CD74: variants seen among roughly 807,000 people sequenced by gnomAD.
CD74 encodes CD74 molecule.
A neutral mutation model predicts 37.1 loss-of-function variants in CD74; 20 were observed. That is an observed-to-expected ratio of 0.54 (90% CI 0.38 to 0.78). CD74 has a LOEUF of 0.78. Ranked by LOEUF, CD74 falls within the 30% of genes least tolerant of loss-of-function variation. The pLI, the probability that CD74 is intolerant of heterozygous loss-of-function variation, is 0.00. For synonymous variants in CD74, 150 were observed against 152.0 expected (o/e 0.99, Z 0.10); for missense variants, 338 against 389.5 (o/e 0.87, Z 1.11).
rs151232598 is a variant in CD74, at chr5:150,406,923, C to T, written c.336G>A (p.Pro112=). ...CCATGGGCAGCGCCTGCATCAGCAGCGGGGTGGCCATGCGCATCTTGCTCA... is the reference window on the plus strand; with the variant it reads ...CCATGGGCAGCGCCTGCATCAGCAGTGGGGTGGCCATGCGCATCTTGCTCA... The part of the protein sequence containing the change: ...KPVSKMRMAT[P]LLMQALPMGA... The change falls in exon 3 of 9, where the codon CCG becomes CCA. Residue 112 remains proline, a synonymous_variant. Coordinates refer to ENST00000009530, the MANE Select transcript of CD74 (RefSeq NM_001025159.3). 4.6e-5 allele frequency: 71 copies of T among 1,543,874 alleles called. No individual in the cohort carries two copies. The Middle Eastern group carries it at 1.7e-3, about 38-fold the overall frequency.
Position 150,407,216 on chromosome 5 carries a change from C to A in CD74, c.234G>T (p.Leu78=), listed in dbSNP as rs1252330579. 2 of 1,613,844 alleles carry A rather than the reference C, an allele frequency of 1.2e-6. No homozygotes were observed. Among genetic ancestry groups the A allele is most frequent in the African/African-American group, 2.7e-5 (2 of 74,872 alleles). ...TCTGGGAGGTGACTGTCAGTTTGTC[C>A]AGCCGGCCCTGCTGCTGGTACAGGA... ...AYFLYQQQGR[L]DKLTVTSQNL... Residue 78 remains leucine, a synonymous_variant, in exon 2 of 9, where the codon CTG becomes CTT. Transcript: ENST00000009530. The surrounding 1 kb of genome is among the most constrained non-coding windows in gnomAD (Gnocchi z 4.4).
Position 150,412,760 on chromosome 5 carries a change from G to A in CD74, c.-11C>T, listed in dbSNP as rs1770425925. 7 of 1,613,740 alleles carry A rather than the reference G, an allele frequency of 4.3e-6. No individual in the cohort carries two copies. The highest frequency in any genetic ancestry group is 5.9e-6 in the Non-Finnish European group (7 of 1,179,868). ...TCTCCTCCTGTGCATCTGGGACCCT[G>A]ACCCCCCGGCTCGCCTCTTAAAGTC... On this transcript the variant is annotated 5_prime_UTR_variant, in exon 1 of 9. Transcript: ENST00000009530.
chr5:150,406,970 C>G lies in CD74; in HGVS notation c.299-10G>C. ...CTCACAGGCTTGGGAGCTGTGGGGA[C>G]AGGAACGAGGGTAAGTGTGGCCCCG... On this transcript the variant is annotated splice_polypyrimidine_tract_variant and intron_variant, in intron 2 of 8. Transcript: ENST00000009530. 1 of 1,573,570 alleles carries G rather than the reference C, an allele frequency of 6.4e-7. No homozygotes were observed. Among genetic ancestry groups the G allele is most frequent in the Non-Finnish European group, 8.6e-7 (1 of 1,166,004 alleles).
Position 150,401,933 on chromosome 5 carries a change from A to G in CD74, c.*307T>C. 3 of 899,558 alleles carry G rather than the reference A, an allele frequency of 3.3e-6. No individual in the cohort carries two copies. In the East Asian group the frequency reaches 7.9e-5, roughly 24 times the overall value. 55.7% of individuals were successfully genotyped at this position (899,558 alleles called of 1,614,324 possible). A position where few individuals can be genotyped will look rare whatever the true frequency, so the allele number is the denominator to read the frequency against. ...GCCTTCCCATCTCGTCCATGAGCCT[A>G]GGTCTTGGAGCCTTGTGTTGGAGGC... On this transcript the variant is annotated 3_prime_UTR_variant, in exon 9 of 9. Coordinates refer to ENST00000009530, the MANE Select transcript of CD74 (RefSeq NM_001025159.3).
rs2151166395 is a variant in CD74, at chr5:150,402,362, C to G, written c.881-112G>C. 1.1e-6 allele frequency: 1 copy of G among 908,648 alleles called. No homozygotes were observed. The highest frequency in any genetic ancestry group is 2.5e-5 in the East Asian group (1 of 40,758). 56.3% of individuals were successfully genotyped at this position (908,648 alleles called of 1,614,324 possible). ...AAGGACTGTCCACCCTCCCCTGCCC[C>G]CTGCTCAGGTCCAATAATGACCATC... is the stretch of plus-strand genomic sequence containing the variant. On this transcript the variant is annotated intron_variant, in intron 8 of 8. Transcript: ENST00000009530. This position sits in a 1 kb window ranked among gnomAD's most constrained non-coding sequence, Gnocchi z 4.2.
rs1202780948 is a variant in CD74 at position 150,402,435 on chromosome 5, T to G, written c.880+128A>C. ...AGCCCCCCAACCCTGTTCCTTCGTC[T>G]GTGAAATGGACATCCCAGGAATGTT... On this transcript the variant is annotated intron_variant, in intron 8 of 8. Transcript: ENST00000009530. This position sits in a 1 kb window ranked among gnomAD's most constrained non-coding sequence, Gnocchi z 4.2. 1 of 955,398 alleles carries G rather than the reference T, an allele frequency of 1.0e-6. No individual in the cohort carries two copies. The highest frequency in any genetic ancestry group is 1.7e-6 in the Non-Finnish European group (1 of 584,714). 59.2% of individuals were successfully genotyped at this position (955,398 alleles called of 1,614,324 possible). A position where few individuals can be genotyped will look rare whatever the true frequency, so the allele number is the denominator to read the frequency against.
chr5:150,402,199 G>A lies in CD74; in HGVS notation c.*41C>T, dbSNP rs1319794986. On this transcript the variant is annotated 3_prime_UTR_variant, in exon 9 of 9. Transcript: ENST00000009530. The surrounding 1 kb of genome is among the most constrained non-coding windows in gnomAD (Gnocchi z 4.2). ...TGAAGGGAGCAAGAAAGCTGTAGCTGTGTGGGGCTGGCAGGATGTTGAAGA... is the reference window on the plus strand; with the variant it reads ...TGAAGGGAGCAAGAAAGCTGTAGCTATGTGGGGCTGGCAGGATGTTGAAGA... The A allele has an allele frequency of 1.3e-6, 2 of 1,593,610 alleles. No individual in the cohort carries two copies. The highest frequency in any genetic ancestry group is 1.1e-5 in the South Asian group (1 of 87,654).
At chr5:150,406,155 AT>A in intron 4 of CD74, 103 bp downstream of exon 4, 1 of 812,948 alleles carries the variant, frequency 1.2e-6, no homozygotes, top group Middle Eastern at 3.3e-4. Flanking sequence ...CAGAGAGCAC[AT>A]GTTGAAAGTC....
At position 150,402,078 on chromosome 5, in the gene CD74, G is replaced by C. The variant is rs778764885; in HGVS notation, c.*162C>G. 2.1e-5 allele frequency: 33 copies of C among 1,541,382 alleles called. No homozygotes were observed. Among genetic ancestry groups the C allele is most frequent in the Non-Finnish European group, 2.8e-5 (32 of 1,146,844 alleles). On this transcript the variant is annotated 3_prime_UTR_variant, in exon 9 of 9. Coordinates refer to ENST00000009530, the MANE Select transcript of CD74 (RefSeq NM_001025159.3). The surrounding 1 kb of genome is among the most constrained non-coding windows in gnomAD (Gnocchi z 4.2). ...TTGCTGCATTGTTATCTGCTGTTCCGACTTGGTTTGTCTTGTCCAAGGGTG... is the reference window on the plus strand; with the variant it reads ...TTGCTGCATTGTTATCTGCTGTTCCCACTTGGTTTGTCTTGTCCAAGGGTG...
rs1301489280 is a variant in CD74, at chr5:150,403,911, C to A, written c.626-599G>T. ...CCATTACAGTTTGGAATTGCACTTG[C>A]GATTCTGATTCTAGAGAAAAGCAAT... On this transcript the variant is annotated intron_variant, in intron 6 of 8. Coordinates refer to ENST00000009530, the MANE Select transcript of CD74 (RefSeq NM_001025159.3). The surrounding 1 kb of genome is among the most constrained non-coding windows in gnomAD (Gnocchi z 4.5). 6.6e-6 allele frequency among the ~76,000 whole-genome samples: 1 copy of A among 152,178 alleles called. No individual in the cohort carries two copies. Among genetic ancestry groups the A allele is most frequent in the Non-Finnish European group, 1.5e-5 (1 of 68,038 alleles).
intron 4 of CD74, 62 bp downstream of exon 4, chr5:150,406,197 C>T (rs2151179294): frequency 7.8e-7 from 1 of 1,287,612 alleles, no homozygotes; most frequent in Middle Eastern, 2.2e-4. Context: ...GGCCTTGGAG[C>T]TTGGCCCGGC....
In CD74 at chr5:150,402,358, G is replaced by GC; in HGVS notation, c.881-109dup. On this transcript the variant is annotated intron_variant, in intron 8 of 8. Transcript: ENST00000009530. This position sits in a 1 kb window ranked among gnomAD's most constrained non-coding sequence, Gnocchi z 4.2. ...AGTTAAGGACTGTCCACCCTCCCCT[G>GC]CCCCCTGCTCAGGTCCAATAATGAC... 2 of 923,390 alleles carry GC rather than the reference G, an allele frequency of 2.2e-6. No homozygotes were observed. The highest frequency in any genetic ancestry group is 1.6e-5 in the African/African-American group (1 of 61,938). The allele number at this position is 923,390 out of a possible 1,614,324, so 57.2% of individuals were successfully genotyped here.
chr5:150,412,594 C>A, intron 1 of CD74, 31 bp downstream of exon 1: 1 of 1,502,476 alleles, frequency 6.7e-7, no homozygotes, highest in Non-Finnish European at 9.2e-7. Flanking sequence ...AGTCCAGGAT[C>A]GGTGTGCCCT....
chr5:150,406,917 C>T lies in CD74; in HGVS notation c.342G>A (p.Leu114=), dbSNP rs1454042220. 4 of 1,536,840 alleles carry T rather than the reference C, an allele frequency of 2.6e-6. No homozygotes were observed. In the East Asian group the frequency reaches 9.1e-5, roughly 35 times the overall value. Residue 114 remains leucine (L), a synonymous_variant, in exon 3 of 9, where the codon CTG becomes CTA. Coordinates refer to ENST00000009530, the MANE Select transcript of CD74 (RefSeq NM_001025159.3). Reference sequence around the variant, plus strand: ...GGGCTCCCATGGGCAGCGCCTGCATCAGCAGCGGGGTGGCCATGCGCATCT... The same window carrying T: ...GGGCTCCCATGGGCAGCGCCTGCATTAGCAGCGGGGTGGCCATGCGCATCT... The part of the protein sequence containing the change: ...VSKMRMATPL[L]MQALPMGALP...
Position 150,409,820 on chromosome 5 carries a change from T to A in CD74, c.126-2496A>T, listed in dbSNP as rs547075657. On this transcript the variant is annotated intron_variant, in intron 1 of 8. Transcript: ENST00000009530. ...TATTACGCAGTCTGTGGTATTCTGT[T>A]AAAGCGGCACAAAACGGACTAAAAC... Among the ~76,000 whole-genome samples, 266 of 151,482 alleles carry A rather than the reference T, an allele frequency of 1.8e-3. 1 individual carries two copies. The highest frequency in any genetic ancestry group is 6.1e-3 in the African/African-American group (252 of 41,238).
At chr5:150,410,686 A>C (rs1308656255) in intron 1 of CD74, among the ~76,000 whole-genome samples, 1 of 151,934 alleles carries the variant, frequency 6.6e-6, no homozygotes, top group African/African-American at 2.4e-5. Flanking sequence ...AATTAAAAAA[A>C]AAAAAAAAAA....
At position 150,401,977 on chromosome 5, in the gene CD74, G is replaced by A. The variant is rs1259089774; in HGVS notation, c.*263C>T. 9.1e-6 allele frequency: 12 copies of A among 1,319,802 alleles called. No individual in the cohort carries two copies. The highest frequency in any genetic ancestry group is 2.9e-5 in the African/African-American group (2 of 68,844). 81.8% of individuals were successfully genotyped at this position (1,319,802 alleles called of 1,614,324 possible). ...TGGAGGCTGCTGTGATGTCAGGAACGGGGATCTGTCTAGCTTTTGGCCACT... is the reference window on the plus strand; with the variant it reads ...TGGAGGCTGCTGTGATGTCAGGAACAGGGATCTGTCTAGCTTTTGGCCACT... On this transcript the variant is annotated 3_prime_UTR_variant, in exon 9 of 9. Transcript: ENST00000009530.
chr5:150,406,852 C>T (rs1429697648), intron 3 of CD74, 29 bp downstream of exon 3: 1 of 1,416,748 alleles, frequency 7.1e-7, no homozygotes, highest in Admixed American at 2.9e-5. Flanking sequence ...ATAACCTTGC[C>T]CCTCCCACCA....
rs574303256 is a variant in CD74, at chr5:150,409,494, T to G, written c.126-2170A>C. On this transcript the variant is annotated intron_variant, in intron 1 of 8. Transcript: ENST00000009530. Reference sequence around the variant, plus strand: ...GTGAGCTGAGATCATGCCATTGCACTCCAGCCTGGGCAACAGAGTGAGGCT... The same window carrying G: ...GTGAGCTGAGATCATGCCATTGCACGCCAGCCTGGGCAACAGAGTGAGGCT... Among the ~76,000 whole-genome samples the G allele has an allele frequency of 5.3e-5, 8 of 150,374 alleles. No individual in the cohort carries two copies. In the South Asian group the frequency reaches 1.1e-3, roughly 20 times the overall value.
Sources: gnomAD v4.1 joint callset for allele counts (sites outside exome capture counted in the v4.1 genomes callset) on GRCh38, gnomAD v4.1.1 for gene constraint, Gnocchi (gnomAD v3.1) non-coding constraint, MANE v1.5 for transcripts, NCBI Gene and HGNC (gene_info 2026-07-23, HGNC 2026-07-21) for gene names.